The following LRP5 variants were observed in gnomAD, a reference collection of about 807,000 sequenced individuals.
LRP5 encodes the protein low-density lipoprotein receptor-related protein 5.
In LRP5, 62 loss-of-function variants were observed where a neutral mutation model predicts 154.1. That is an observed-to-expected ratio of 0.40 (90% CI 0.33 to 0.50). The LOEUF is 0.50. Ranked by LOEUF, LRP5 falls within the 20% of genes least tolerant of loss-of-function variation. The pLI is 0.55. For missense variants in LRP5, 1,915 were observed against 2,336.7 expected (o/e 0.82, Z 3.72); for synonymous variants, 966 against 1,011.5 (o/e 0.96, Z 0.85).
chr11:68,413,583 G>C lies in LRP5; in HGVS notation c.2504-106G>C. On this transcript the variant is annotated intron_variant, in intron 11 of 22. Coordinates refer to ENST00000294304, the MANE Select transcript of LRP5 (RefSeq NM_002335.4). This position sits in a 1 kb window ranked among gnomAD's most constrained non-coding sequence, Gnocchi z 5.1. ...GCCAAACACTTTAAGGCATTCATGTGGTCGCTAGGCTGCAGGGTTGAACCC... is the reference window on the plus strand; with the variant it reads ...GCCAAACACTTTAAGGCATTCATGTCGTCGCTAGGCTGCAGGGTTGAACCC... 1 of 979,182 alleles carries C rather than the reference G, an allele frequency of 1.0e-6. No individual in the cohort carries two copies. Among genetic ancestry groups the C allele is most frequent in the Non-Finnish European group, 1.6e-6 (1 of 616,502 alleles). The allele number at this position is 979,182 out of a possible 1,614,324, so 60.7% of individuals were successfully genotyped here. A position where few individuals can be genotyped will look rare whatever the true frequency, so the allele number is the denominator to read the frequency against.
chr11:68,401,354 C>G (rs2098652538), intron 7 of LRP5, among the ~76,000 whole-genome samples: 2 of 152,228 alleles, frequency 1.3e-5, no homozygotes, highest in African/African-American at 2.4e-5. Context: ...GCTCAGACTT[C>G]CAGGCACGGT....
At chr11:68,364,316 A>ACG (rs2098629708) in intron 4 of LRP5, among the ~76,000 whole-genome samples, 1 of 150,422 alleles carries the variant, frequency 6.6e-6, no homozygotes, top group Non-Finnish European at 1.5e-5. Context: ...ACATACACGT[A>ACG]TGTGTGTATA....
intron 19 of LRP5, among the ~76,000 whole-genome samples, chr11:68,437,555 T>C (rs545692340): frequency 6.6e-6 from 1 of 152,288 alleles, no homozygotes; most frequent in Non-Finnish European, 1.5e-5. Flanking sequence ...GGAAGGGAGC[T>C]GAGTTCAGAT....
At chr11:68,388,530 G>A (rs1287579837) in intron 6 of LRP5, among the ~76,000 whole-genome samples, 2 of 152,022 alleles carry the variant, frequency 1.3e-5, no homozygotes, top group Non-Finnish European at 2.9e-5. Flanking sequence ...CTGTGACTTG[G>A]GGCCTCAGAA....
rs934914053 is a variant in LRP5 at position 68,447,643 on chromosome 11, C to T, written c.4586+1110C>T. ...CATGCCCGTCCTGCTCTGGGCCCAC[C>T]GCGGACACATCTTCCCCCCGCCCGC... is the stretch of plus-strand genomic sequence containing the variant. On this transcript the variant is annotated intron_variant, in intron 22 of 22. Transcript: ENST00000294304. This position sits in a 1 kb window ranked among gnomAD's most constrained non-coding sequence, Gnocchi z 4.3. 5.3e-5 allele frequency among the ~76,000 whole-genome samples: 8 copies of T among 152,148 alleles called. No homozygotes were observed. Among genetic ancestry groups the T allele is most frequent in the Non-Finnish European group, 1.0e-4 (7 of 68,028 alleles).
intron 11 of LRP5, among the ~76,000 whole-genome samples, chr11:68,412,609 C>T (rs996349168): frequency 2.0e-5 from 3 of 151,268 alleles, no homozygotes; most frequent in African/African-American, 4.9e-5. Flanking sequence ...CATGCCACTG[C>T]ACTCCAGCCT....
chr11:68,345,938 T>G (rs535279726), intron 1 of LRP5, among the ~76,000 whole-genome samples: 1 of 152,346 alleles, frequency 6.6e-6, no homozygotes, highest in East Asian at 1.9e-4. Flanking sequence ...AAGCCTGTTT[T>G]GATGTGTTTA....
At chr11:68,321,271 G>C (rs917539409) in intron 1 of LRP5, among the ~76,000 whole-genome samples, 7 of 152,086 alleles carry the variant, frequency 4.6e-5, no homozygotes, top group Non-Finnish European at 1.5e-5. Context: ...CCGGAATGCT[G>C]CTGTCTCCAT....
At chr11:68,341,367 T>C (rs1233178267) in intron 1 of LRP5, among the ~76,000 whole-genome samples, 3 of 152,078 alleles carry the variant, frequency 2.0e-5, no homozygotes, top group Non-Finnish European at 4.4e-5. Context: ...CACCCAGAAC[T>C]GAGGCTCCAA....
At chr11:68,343,583 C>T (rs779654808) in intron 1 of LRP5, among the ~76,000 whole-genome samples, 6 of 152,172 alleles carry the variant, frequency 3.9e-5, no homozygotes, top group South Asian at 4.1e-4. Flanking sequence ...CCTGCTCTGG[C>T]GGCCAGGACG....
intron 5 of LRP5, among the ~76,000 whole-genome samples, chr11:68,379,934 C>A (rs1161195536): frequency 6.6e-6 from 1 of 152,198 alleles, no homozygotes; most frequent in South Asian, 2.1e-4. Context: ...GAGTTCCAGA[C>A]CAGCCTGGCC....
chr11:68,440,575 G>A (rs1043382607), intron 21 of LRP5, among the ~76,000 whole-genome samples: 2 of 152,214 alleles, frequency 1.3e-5, no homozygotes, highest in African/African-American at 4.8e-5. Flanking sequence ...GAACTCCTGA[G>A]TGTAAACAGC....
intron 8 of LRP5, chr11:68,403,928 C>G: frequency 1.7e-6 from 1 of 602,976 alleles, no homozygotes; most frequent in South Asian, 2.0e-5. Flanking sequence ...TAGAAAGTGA[C>G]TAACATTTGT....
At chr11:68,419,482 C>G (rs1239933680) in intron 13 of LRP5, among the ~76,000 whole-genome samples, 1 of 151,564 alleles carries the variant, frequency 6.6e-6, no homozygotes, top group East Asian at 2.0e-4. Flanking sequence ...CATCCTCCCA[C>G]CTCACCCTCC....
At chr11:68,347,447 G>A (rs532987813) in intron 1 of LRP5, among the ~76,000 whole-genome samples, 1 of 152,308 alleles carries the variant, frequency 6.6e-6, no homozygotes, top group African/African-American at 2.4e-5. Context: ...GTGCCTGCAT[G>A]TCCCCATCCC....
rs150088620 is a variant in LRP5 at position 68,436,913 on chromosome 11, G to C, written c.4025G>C (p.Arg1342Pro). Reference sequence around the variant, plus strand: ...GCCATCTGCCTGCCCAACCAGTTCCGGTGTGCGAGCGGCCAGTGTGTCCTC... The same window carrying C: ...GCCATCTGCCTGCCCAACCAGTTCCCGTGTGCGAGCGGCCAGTGTGTCCTC... ...CDAICLPNQF[R>P]CASGQCVLIK... The change falls in exon 19 of 23, where the codon CGG (arginine) becomes CCG (proline). Residue 1342 changes from arginine (R) to proline (P), a missense_variant. This residue lies in a region of LRP5 where 1,094 missense variants were observed against 1,210.1 expected (regional missense o/e 0.90). Coordinates refer to ENST00000294304, the MANE Select transcript of LRP5 (RefSeq NM_002335.4). The C allele has an allele frequency of 4.2e-5, 67 of 1,613,800 alleles. No homozygotes were observed. The Admixed American group carries it at 6.2e-4, about 15-fold the overall frequency.
At chr11:68,444,240 CATG>C (rs946253963) in intron 21 of LRP5, among the ~76,000 whole-genome samples, 3 of 152,084 alleles carry the variant, frequency 2.0e-5, no homozygotes, top group African/African-American at 7.2e-5. Flanking sequence ...ATAGGCCAGG[CATG>C]GTGGCTCACA....
intron 7 of LRP5, among the ~76,000 whole-genome samples, chr11:68,395,804 C>G (rs1376952833): frequency 3.3e-5 from 5 of 152,150 alleles, no homozygotes; most frequent in Non-Finnish European, 7.4e-5. Context: ...CGTGGAGATG[C>G]TGGCTCTGTG....
intron 1 of LRP5, among the ~76,000 whole-genome samples, chr11:68,316,145 C>CTTTTTCTTATAGATT (rs1438689655): frequency 1.3e-5 from 2 of 152,198 alleles, no homozygotes; most frequent in African/African-American, 4.8e-5. Context: ...CTTTCTGCCT[C>CTTTTTCTTATAGATT]TGTGGTTCTG....
Sources: gnomAD v4.1 joint callset for allele counts (sites outside exome capture counted in the v4.1 genomes callset) on GRCh38, gnomAD v4.1.1 for gene constraint, gnomAD v4.1.1 regional missense constraint, Gnocchi (gnomAD v3.1) non-coding constraint, MANE v1.5 for transcripts, NCBI Gene and HGNC (gene_info 2026-07-23, HGNC 2026-07-21) for gene names.